Variants in FARP1 observed in about 807,000 individuals in gnomAD.
FARP1 encodes FERM, ARH/RhoGEF and pleckstrin domain protein 1.
FARP1 carries 52 observed loss-of-function variants against 128.8 expected under a neutral mutation model. That is an observed-to-expected ratio of 0.40 (90% CI 0.32 to 0.51). FARP1 has a LOEUF of 0.51. Among genes scored for constraint, FARP1 ranks in the 20% least tolerant of loss-of-function variants. The probability of loss-of-function intolerance (pLI) is 0.45; values close to 1 mark genes in which losing one functional copy is unlikely to be tolerated. For synonymous variants in FARP1, 580 were observed against 551.8 expected (o/e 1.05, Z -0.72); for missense variants, 1,333 against 1,367.9 (o/e 0.97, Z 0.40).
chr13:98,418,552 C>T (rs889492801), intron 16 of FARP1, among the ~76,000 whole-genome samples: 1 of 152,220 alleles, frequency 6.6e-6, no homozygotes, highest in South Asian at 2.1e-4. Flanking sequence ...GGATTACAGG[C>T]GTTGAGCTTC....
At chr13:98,351,631 GAAAA>G (rs1297275212) in intron 3 of FARP1, among the ~76,000 whole-genome samples, 1 of 149,798 alleles carries the variant, frequency 6.7e-6, no homozygotes, top group Non-Finnish European at 1.5e-5. Context: ...AAAAAAGAAA[GAAAA>G]AAAGAAAAGA....
intron 14 of FARP1, among the ~76,000 whole-genome samples, chr13:98,410,236 C>T (rs1170622849): frequency 1.3e-5 from 2 of 152,220 alleles, no homozygotes; most frequent in African/African-American, 4.8e-5. Flanking sequence ...TGGCTGCCCA[C>T]CTGACTGACA....
intron 1 of FARP1, among the ~76,000 whole-genome samples, chr13:98,169,829 A>G (rs892495722): frequency 1.3e-5 from 2 of 151,840 alleles, no homozygotes; most frequent in Non-Finnish European, 2.9e-5. Context: ...TGCTTTCTCC[A>G]TTTAGTCTGG....
chr13:98,254,472 G>T (rs1386044583), intron 2 of FARP1, among the ~76,000 whole-genome samples: 2 of 152,114 alleles, frequency 1.3e-5, no homozygotes, highest in Non-Finnish European at 2.9e-5. Context: ...CATCTAGTAG[G>T]TGCTCAATAA....
intron 24 of FARP1, chr13:98,445,040 C>A (rs1342901622): frequency 6.6e-6 from 1 of 152,448 alleles, no homozygotes; most frequent in African/African-American, 2.4e-5. Context: ...TCCTGCAGCC[C>A]CTCACGGACC....
intron 16 of FARP1, 59 bp from the exon 17 acceptor site, chr13:98,424,513 C>G: frequency 9.3e-7 from 1 of 1,080,074 alleles, no homozygotes. Context: ...ATTTGTAACC[C>G]AGGGCTGTCA....
intron 13 of FARP1, chr13:98,396,228 C>T (rs1890540502): frequency 5.0e-6 from 2 of 399,016 alleles, no homozygotes; most frequent in African/African-American, 4.1e-5. Flanking sequence ...CCTCTAAGGT[C>T]CCTGCTGTGC....
intron 1 of FARP1, among the ~76,000 whole-genome samples, chr13:98,173,580 G>A (rs549931368): frequency 3.1e-4 from 47 of 152,312 alleles, no homozygotes; most frequent in African/African-American, 1.1e-3. Context: ...GCAAATTAAT[G>A]AAAACATCAA....
intron 2 of FARP1, among the ~76,000 whole-genome samples, chr13:98,327,087 T>G (rs1473869082): frequency 6.6e-6 from 1 of 152,246 alleles, no homozygotes; most frequent in African/African-American, 2.4e-5. Flanking sequence ...GTGTAAATTC[T>G]TTGCTGTAGG....
chr13:98,364,738 A>C (rs1194562176), intron 3 of FARP1, among the ~76,000 whole-genome samples: 1 of 152,214 alleles, frequency 6.6e-6, no homozygotes, highest in Non-Finnish European at 1.5e-5. Flanking sequence ...AAAGTTCGCT[A>C]TCCAGACTGT....
intron 6 of FARP1, 31 bp downstream of exon 6, chr13:98,377,949 T>C (rs756238845): frequency 4.1e-6 from 6 of 1,473,734 alleles, no homozygotes; most frequent in Non-Finnish European, 4.8e-6. Context: ...TTGAAAATCA[T>C]GTTCAAAATA....
chr13:98,163,019 C>T (rs552854955), intron 1 of FARP1, among the ~76,000 whole-genome samples: 107 of 152,236 alleles, frequency 7.0e-4, no homozygotes, highest in Admixed American at 1.2e-3. Flanking sequence ...GACATAGGCA[C>T]GTGAATGTTC....
chr13:98,289,850 G>A (rs1885367062), intron 2 of FARP1, among the ~76,000 whole-genome samples: 1 of 152,124 alleles, frequency 6.6e-6, no homozygotes, highest in Admixed American at 6.5e-5. Context: ...CCAATGAGAT[G>A]GAATTAAAAT....
chr13:98,305,100 A>G (rs1390746719), intron 2 of FARP1, among the ~76,000 whole-genome samples: 2 of 95,158 alleles, frequency 2.1e-5, no homozygotes, highest in Non-Finnish European at 4.2e-5. Flanking sequence ...GAATATTTAA[A>G]TGTGTATATA....
In FARP1 at chr13:98,453,325, AAGTGG is replaced by A; in HGVS notation, c.*5011_*5015del. On this transcript the variant is annotated 3_prime_UTR_variant, in exon 27 of 27. Coordinates refer to ENST00000319562, the MANE Select transcript of FARP1 (RefSeq NM_005766.4). Reference sequence around the variant, plus strand: ...AAGAAATTCCAAGTCATACAAAAATAAGTGGAGCAAATATCAATGTGTAAGTCTAA... The same window carrying A: ...AAGAAATTCCAAGTCATACAAAAATAAGCAAATATCAATGTGTAAGTCTAA... 1 of 1,032,230 alleles carries A rather than the reference AAGTGG, an allele frequency of 9.7e-7. No individual in the cohort carries two copies. Among genetic ancestry groups the A allele is most frequent in the Non-Finnish European group, 1.4e-6 (1 of 690,708 alleles). The allele number at this position is 1,032,230 out of a possible 1,614,324, so 63.9% of individuals were successfully genotyped here. A position where few individuals can be genotyped will look rare whatever the true frequency, so the allele number is the denominator to read the frequency against.
chr13:98,443,571 G>A (rs1375888661), intron 24 of FARP1, among the ~76,000 whole-genome samples: 1 of 152,166 alleles, frequency 6.6e-6, no homozygotes, highest in Non-Finnish European at 1.5e-5. Flanking sequence ...TCCCACTCCC[G>A]TCTGACTCGT....
intron 2 of FARP1, among the ~76,000 whole-genome samples, chr13:98,246,932 C>T (rs1017284271): frequency 6.6e-6 from 1 of 152,192 alleles, no homozygotes; most frequent in African/African-American, 2.4e-5. Flanking sequence ...TTTAAGAAGG[C>T]AGCTGTTCCT....
intron 2 of FARP1, among the ~76,000 whole-genome samples, chr13:98,256,948 G>GGTGTATATAT (rs59128917): frequency 6.5e-5 from 5 of 77,076 alleles, no homozygotes; most frequent in South Asian, 5.2e-4. Context: ...TATATATGTG[G>GGTGTATATAT]ATATATATAT....
chr13:98,407,970 C>T (rs1283997572), intron 13 of FARP1, among the ~76,000 whole-genome samples: 2 of 152,086 alleles, frequency 1.3e-5, no homozygotes, highest in Admixed American at 6.5e-5. Flanking sequence ...GGGGGTGCTC[C>T]TAGAAAACCG....
Sources: allele counts gnomAD v4.1 joint callset (sites outside exome capture counted in the v4.1 genomes callset), GRCh38; gene constraint gnomAD v4.1.1; transcripts MANE v1.5; gene names NCBI Gene and HGNC (gene_info 2026-07-23, HGNC 2026-07-21).